Variants in NRIP1 observed in about 807,000 individuals in gnomAD.
The protein encoded by NRIP1 is nuclear receptor-interacting protein 1.
A neutral mutation model predicts 75.0 loss-of-function variants in NRIP1; 28 were observed. The ratio of observed to expected loss-of-function variants is 0.37; its 90% confidence interval spans 0.28 to 0.51. NRIP1 has a LOEUF of 0.51. Among genes scored for constraint, NRIP1 ranks in the 20% least tolerant of loss-of-function variants. NRIP1 has a pLI of 0.92. For missense variants in NRIP1, 1,435 were observed against 1,343.7 expected (o/e 1.07, Z -1.06); for synonymous variants, 526 against 487.6 (o/e 1.08, Z -1.04).
intron 2 of NRIP1, among the ~76,000 whole-genome samples, chr21:15,041,298 T>C (rs1283496753): frequency 1.3e-5 from 2 of 152,152 alleles, no homozygotes; most frequent in Non-Finnish European, 2.9e-5. Context: ...TAATCTATAG[T>C]AAAAGACGCC....
chr21:15,046,033 T>C (rs1449733394), intron 1 of NRIP1, among the ~76,000 whole-genome samples: 1 of 143,258 alleles, frequency 7.0e-6, no homozygotes, highest in African/African-American at 2.7e-5. Context: ...CCCGCCAAAG[T>C]TATCCATAAG....
At chr21:15,055,158 CA>C (rs1378363977) in intron 1 of NRIP1, among the ~76,000 whole-genome samples, 1 of 152,144 alleles carries the variant, frequency 6.6e-6, no homozygotes, top group South Asian at 2.1e-4. Context: ...TTACCTTTCT[CA>C]AGAGAATAGA....
intron 3 of NRIP1, among the ~76,000 whole-genome samples, chr21:15,006,023 T>C (rs1028809860): frequency 6.6e-6 from 1 of 151,580 alleles, no homozygotes; most frequent in African/African-American, 2.4e-5. Flanking sequence ...AGAATTTTCA[T>C]TTTTAAAAAA....
At position 14,965,799 on chromosome 21, in the gene NRIP1, G is replaced by A. The variant is rs145934121; in HGVS notation, c.2394C>T (p.Ser798=). The A allele has an allele frequency of 3.9e-4, 635 of 1,613,900 alleles. 4 individuals carry two copies. In the East Asian group the frequency reaches 8.1e-3, roughly 21 times the overall value. Residue 798 remains serine (S), a synonymous_variant, in exon 4 of 4, where the codon TCC becomes TCT. Transcript: ENST00000318948. ...VQRSAPALPV[S]EDFKSEPVSP... ...AAACAGGCTCCGATTTAAAGTCTTC[G>A]GACACTGGTAAGGCAGGTGCGCTTC...
chr21:15,004,023 G>A (rs1452410364), intron 3 of NRIP1, among the ~76,000 whole-genome samples: 1 of 152,068 alleles, frequency 6.6e-6, no homozygotes, highest in East Asian at 1.9e-4. Context: ...GCAAACCTGA[G>A]ATCTTTAAAA....
chr21:15,000,960 G>T (rs1171484746), intron 3 of NRIP1, among the ~76,000 whole-genome samples: 1 of 151,942 alleles, frequency 6.6e-6, no homozygotes, highest in Non-Finnish European at 1.5e-5. Context: ...TTATTAACAG[G>T]TGCTTAAAAA....
At position 14,967,163 on chromosome 21, in the gene NRIP1, T is replaced by A; in HGVS notation, c.1030A>T (p.Thr344Ser). Reference sequence around the variant, plus strand: ...ATACCCATTGGATTTTGAAACACTGTAGCACTACTTTTGCTAGCCATCAGT... The same window carrying A: ...ATACCCATTGGATTTTGAAACACTGAAGCACTACTTTTGCTAGCCATCAGT... The part of the protein sequence containing the change: ...SKLMASKSSA[T>S]VFQNPMGIIP... Residue 344 changes from threonine (T) to serine (S), a missense_variant, in exon 4 of 4, where the codon ACA (threonine) becomes TCA (serine). Thr to Ser is a moderately conservative substitution (Grantham distance 58). Transcript: ENST00000318948. 1 of 1,614,152 alleles carries A rather than the reference T, an allele frequency of 6.2e-7. No individual in the cohort carries two copies. Among genetic ancestry groups the A allele is most frequent in the Non-Finnish European group, 8.5e-7 (1 of 1,180,016 alleles).
At chr21:15,057,031 C>T (rs551819495) in intron 1 of NRIP1, among the ~76,000 whole-genome samples, 12 of 152,308 alleles carry the variant, frequency 7.9e-5, no homozygotes, top group African/African-American at 2.6e-4. Flanking sequence ...AAAATAAAGT[C>T]AACTACTCCT....
intron 2 of NRIP1, among the ~76,000 whole-genome samples, chr21:15,033,896 T>G (rs1034506999): frequency 6.6e-6 from 1 of 152,202 alleles, no homozygotes; most frequent in African/African-American, 2.4e-5. Context: ...GGTCTCCTGA[T>G]CATTTCATGA....
intron 2 of NRIP1, among the ~76,000 whole-genome samples, chr21:15,035,021 ATCC>A (rs1469629278): frequency 1.3e-5 from 2 of 152,260 alleles, no homozygotes; most frequent in East Asian, 3.9e-4. Context: ...TGTAAGATGT[ATCC>A]TCATCTTACA....
intron 2 of NRIP1, among the ~76,000 whole-genome samples, chr21:15,016,480 G>C (rs900826094): frequency 6.6e-6 from 1 of 152,114 alleles, no homozygotes; most frequent in African/African-American, 2.4e-5. Flanking sequence ...CCAACTCACT[G>C]AAATTCCAGT....
chr21:15,053,031 C>T (rs1007328058), intron 1 of NRIP1, among the ~76,000 whole-genome samples: 1 of 152,052 alleles, frequency 6.6e-6, no homozygotes, highest in African/African-American at 2.4e-5. Context: ...GCCCAAAGGC[C>T]CATTTTTACC....
At chr21:15,043,892 C>T (rs1484994649) in intron 1 of NRIP1, among the ~76,000 whole-genome samples, 3 of 152,164 alleles carry the variant, frequency 2.0e-5, no homozygotes, top group Non-Finnish European at 4.4e-5. Flanking sequence ...GATCTCGGCT[C>T]ACTGCAACCT....
At chr21:15,025,477 C>T (rs776316331) in intron 2 of NRIP1, among the ~76,000 whole-genome samples, 2 of 151,976 alleles carry the variant, frequency 1.3e-5, no homozygotes, top group Admixed American at 6.6e-5. Flanking sequence ...GAATAAAATA[C>T]GGGCTCATAA....
intron 1 of NRIP1, among the ~76,000 whole-genome samples, 164 bp downstream of exon 1, chr21:15,064,581 G>T (rs1978685628): frequency 6.6e-6 from 1 of 151,402 alleles, no homozygotes. Context: ...ACTCGAACCA[G>T]GCAGCAGAGG....
chr21:14,975,320 A>G (rs1304848707), intron 3 of NRIP1, among the ~76,000 whole-genome samples: 1 of 152,222 alleles, frequency 6.6e-6, no homozygotes, highest in African/African-American at 2.4e-5. Flanking sequence ...TTGACATTAC[A>G]GACAGAAAAA....
chr21:14,966,477 A>C lies in NRIP1; in HGVS notation c.1716T>G (p.Ser572=). The C allele has an allele frequency of 6.2e-7, 1 of 1,614,088 alleles. No homozygotes were observed. The highest frequency in any genetic ancestry group is 2.2e-5 in the East Asian group (1 of 44,870). The change falls in exon 4 of 4, where the codon TCT becomes TCG. Residue 572 remains serine (S), a synonymous_variant. Coordinates refer to ENST00000318948, the MANE Select transcript of NRIP1 (RefSeq NM_003489.4). ...GTGGGGAATTCCATTTGATGACCAG[A>C]GAGTGTTGAGAGAGATTGATGGGAG... The part of the protein sequence containing the change: ...AGSPINLSQH[S]LVIKWNSPPY...
intron 3 of NRIP1, among the ~76,000 whole-genome samples, chr21:14,987,392 T>A (rs778761857): frequency 2.6e-5 from 4 of 152,108 alleles, no homozygotes; most frequent in Non-Finnish European, 4.4e-5. Flanking sequence ...TGACTATTGG[T>A]CTTTTTGGGG....
At chr21:15,042,316 C>A (rs533226700) in intron 2 of NRIP1, among the ~76,000 whole-genome samples, 1 of 152,100 alleles carries the variant, frequency 6.6e-6, no homozygotes, top group African/African-American at 2.4e-5. Flanking sequence ...AGACAGCTGG[C>A]AAAAGTTTTT....
Sources: gnomAD v4.1 joint callset for allele counts (sites outside exome capture counted in the v4.1 genomes callset) on GRCh38, gnomAD v4.1.1 for gene constraint, MANE v1.5 for transcripts, NCBI Gene and HGNC (gene_info 2026-07-23, HGNC 2026-07-21) for gene names.